The following VAV2 variants were observed in gnomAD, a reference collection of about 807,000 sequenced individuals.
VAV2 encodes the protein vav guanine nucleotide exchange factor 2, also known as guanine nucleotide exchange factor VAV2.
A neutral mutation model predicts 132.5 loss-of-function variants in VAV2; 67 were observed. The observed-to-expected ratio is 0.51, with a 90% confidence interval of 0.42 to 0.62. VAV2 has a LOEUF of 0.62. VAV2 is among the 20% of genes least tolerant of loss of function. VAV2 has a pLI of 0.00. For synonymous variants in VAV2, 492 were observed against 443.5 expected, an observed-to-expected ratio of 1.11 and a Z score of -1.37; for missense variants, 938 against 1,153.6, an observed-to-expected ratio of 0.81 and a Z score of 2.71.
chr9:133,905,151 G>A (rs954671598), intron 2 of VAV2, among the ~76,000 whole-genome samples: 14 of 152,284 alleles, frequency 9.2e-5, no homozygotes, highest in South Asian at 4.1e-4. Context: ...TGGCTCAGCC[G>A]GGCGCGGTGG....
At chr9:133,960,241 T>C (rs1278914227) in intron 1 of VAV2, among the ~76,000 whole-genome samples, 1 of 152,150 alleles carries the variant, frequency 6.6e-6, no homozygotes, top group Non-Finnish European at 1.5e-5. Flanking sequence ...AGGTGCACTG[T>C]GAGGTCAGGG....
intron 2 of VAV2, among the ~76,000 whole-genome samples, chr9:133,908,037 G>A (rs1839736560): frequency 7.7e-6 from 1 of 130,218 alleles, no homozygotes; most frequent in African/African-American, 3.0e-5. Flanking sequence ...AGGGTCTGAA[G>A]GCGCCCCTCC....
chr9:133,905,818 C>T (rs1237790463), intron 2 of VAV2, among the ~76,000 whole-genome samples: 4 of 152,086 alleles, frequency 2.6e-5, no homozygotes, highest in Non-Finnish European at 5.9e-5. Context: ...AGGAGGATCA[C>T]TTGAGCCCAA....
At chr9:133,871,499 TGG>T (rs1838053885) in intron 2 of VAV2, among the ~76,000 whole-genome samples, 1 of 140,140 alleles carries the variant, frequency 7.1e-6, no homozygotes, top group African/African-American at 3.1e-5. Context: ...GATGGATGGA[TGG>T]ATGGATGGAT....
At chr9:133,862,309 C>A (rs914947753) in intron 2 of VAV2, among the ~76,000 whole-genome samples, 1 of 152,212 alleles carries the variant, frequency 6.6e-6, no homozygotes, top group Non-Finnish European at 1.5e-5. Context: ...GGGGAACCCG[C>A]GGTGGGGGAC....
intron 4 of VAV2, among the ~76,000 whole-genome samples, chr9:133,831,309 GC>G (rs1298263207): frequency 1.3e-5 from 2 of 152,164 alleles, no homozygotes; most frequent in Non-Finnish European, 2.9e-5. Flanking sequence ...GGTGGTGCAT[GC>G]CTGTAATCCC....
chr9:133,930,963 G>A (rs1314494702), intron 2 of VAV2, among the ~76,000 whole-genome samples: 22 of 152,194 alleles, frequency 1.4e-4, no homozygotes, highest in Non-Finnish European at 1.5e-5. Context: ...AATTAAGCCC[G>A]TTTATTGGAA....
At chr9:133,866,660 G>C in intron 2 of VAV2, among the ~76,000 whole-genome samples, 1 of 152,116 alleles carries the variant, frequency 6.6e-6, no homozygotes, top group East Asian at 1.9e-4. Flanking sequence ...AAAAAAATTA[G>C]CCGGGCGTGG....
At chr9:133,813,681 G>A (rs1835445221) in intron 4 of VAV2, among the ~76,000 whole-genome samples, 1 of 152,240 alleles carries the variant, frequency 6.6e-6, no homozygotes, top group Non-Finnish European at 1.5e-5. Flanking sequence ...GGAAGCTGTT[G>A]CTCCGGGTAC....
intron 23 of VAV2, 77 bp from the exon 24 acceptor site, chr9:133,776,157 G>A: frequency 6.4e-7 from 1 of 1,566,662 alleles, no homozygotes; most frequent in Non-Finnish European, 8.7e-7. Context: ...GTCATTGTCA[G>A]TGACTGCCCT....
intron 21 of VAV2, 141 bp from the exon 22 acceptor site, chr9:133,779,030 A>C: frequency 1.9e-6 from 2 of 1,047,598 alleles, no homozygotes; most frequent in Non-Finnish European, 2.7e-6. Flanking sequence ...CCTTCCCTAA[A>C]TCCTTCCCAT....
chr9:133,877,886 GTTA>G (rs1838325621), intron 2 of VAV2, among the ~76,000 whole-genome samples: 1 of 152,336 alleles, frequency 6.6e-6, no homozygotes, highest in South Asian at 2.1e-4. Flanking sequence ...TAGTAACTCG[GTTA>G]TTAAGTGCAA....
At chr9:133,977,818 C>T (rs1842561906) in intron 1 of VAV2, among the ~76,000 whole-genome samples, 1 of 152,240 alleles carries the variant, frequency 6.6e-6, no homozygotes, top group Non-Finnish European at 1.5e-5. Flanking sequence ...CAGCCGAGGT[C>T]AAGGGGGCAG....
chr9:133,770,563 C>A, intron 26 of VAV2, 62 bp from the exon 27 acceptor site: 1 of 1,595,270 alleles, frequency 6.3e-7, no homozygotes, highest in Non-Finnish European at 8.6e-7. Flanking sequence ...CCCCCAGTGA[C>A]CTGGCCTCCC....
chr9:133,988,276 C>T (rs1842917661), intron 1 of VAV2, among the ~76,000 whole-genome samples: 1 of 151,966 alleles, frequency 6.6e-6, no homozygotes, highest in Admixed American at 6.5e-5. Context: ...ACCGTGACAA[C>T]CCAAAACCCA....
At chr9:133,982,109 C>T (rs1329482011) in intron 1 of VAV2, among the ~76,000 whole-genome samples, 2 of 152,194 alleles carry the variant, frequency 1.3e-5, no homozygotes, top group African/African-American at 4.8e-5. Context: ...AAAGGCTTCC[C>T]AGGACAGGCC....
At chr9:133,987,373 G>C (rs1202688712) in intron 1 of VAV2, among the ~76,000 whole-genome samples, 1 of 152,248 alleles carries the variant, frequency 6.6e-6, no homozygotes, top group African/African-American at 2.4e-5. Context: ...GAAACCCAAG[G>C]AGGCTGCCAA....
chr9:133,774,812 C>T (rs574737329), intron 25 of VAV2, 123 bp downstream of exon 25: 19 of 859,114 alleles, frequency 2.2e-5, no homozygotes, highest in Admixed American at 4.3e-5. Flanking sequence ...ATAATGTCCT[C>T]ACTTGGCAAC....
rs575979929 is a variant in VAV2, at chr9:133,857,681, C to A, written c.380+3693G>T. The stretch of plus-strand genomic sequence containing the variant: ...AGAAGGTTCAATTCCCCATGGAAAT[C>A]CCAGCCCATCCGGAGCAAGGTGGGA... On this transcript the variant is annotated intron_variant, in intron 3 of 29. Transcript: ENST00000371850. This position sits in a 1 kb window ranked among gnomAD's most constrained non-coding sequence, Gnocchi z 4.0. Among the ~76,000 whole-genome samples, 1 of 152,328 alleles carries A rather than the reference C, an allele frequency of 6.6e-6. No homozygotes were observed. Among genetic ancestry groups the A allele is most frequent in the Non-Finnish European group, 1.5e-5 (1 of 68,034 alleles).
Sources: gnomAD v4.1 joint callset for allele counts (sites outside exome capture counted in the v4.1 genomes callset) on GRCh38, gnomAD v4.1.1 for gene constraint, Gnocchi (gnomAD v3.1) non-coding constraint, MANE v1.5 for transcripts, NCBI Gene and HGNC (gene_info 2026-07-23, HGNC 2026-07-21) for gene names.